SPECC1L: variants seen among roughly 807,000 people sequenced by gnomAD.
SPECC1L encodes sperm antigen with calponin homology and coiled-coil domains 1 like.
A neutral mutation model predicts 116.8 loss-of-function variants in SPECC1L; 40 were observed. The ratio of observed to expected loss-of-function variants is 0.34; its 90% CI spans 0.27 to 0.45. The LOEUF is 0.45. Among genes scored for constraint, SPECC1L ranks in the 20% least tolerant of loss-of-function variants. The pLI, the probability that SPECC1L is intolerant of heterozygous loss-of-function variation, is 1.00. For missense variants in SPECC1L, 1,110 were observed against 1,373.6 expected (o/e 0.81, Z 3.03); for synonymous variants, 504 against 500.6 (o/e 1.01, Z -0.09).
intron 3 of SPECC1L, among the ~76,000 whole-genome samples, chr22:24,305,385 A>T (rs2049472091): frequency 6.6e-6 from 1 of 152,174 alleles, no homozygotes; most frequent in South Asian, 2.1e-4. Flanking sequence ...CTAGCACCAG[A>T]GATGATTTTT....
At chr22:24,413,867 A>C (rs1388461582) in intron 16 of SPECC1L, among the ~76,000 whole-genome samples, 1 of 152,038 alleles carries the variant, frequency 6.6e-6, no homozygotes, top group East Asian at 1.9e-4. Context: ...ATGGGAAGGG[A>C]AGGATCTCTC....
intron 2 of SPECC1L, among the ~76,000 whole-genome samples, chr22:24,278,749 A>G (rs2048885272): frequency 6.6e-6 from 1 of 152,252 alleles, no homozygotes; most frequent in African/African-American, 2.4e-5. Context: ...AGTACTAAAG[A>G]TGAAATTACT....
chr22:24,322,454 G>C lies in SPECC1L; in HGVS notation c.1474G>C (p.Glu492Gln). ...DVKSGRYMEL[E>Q]QRYMDLAENA... ...AAAAAGTGGGCGCTATATGGAATTA[G>C]AGCAACGTTACATGGACCTCGCTGA... Residue 492 changes from glutamate to glutamine, a missense_variant, in exon 5 of 17, where the codon GAG (glutamate) becomes CAG (glutamine). Around this residue, in one of 4 missense-constraint regions of SPECC1L, gnomAD observed 575 missense variants for 682.4 expected, o/e 0.84. Coordinates refer to ENST00000314328, the MANE Select transcript of SPECC1L (RefSeq NM_015330.6). The C allele has an allele frequency of 6.2e-7, 1 of 1,614,180 alleles. No homozygotes were observed. Among genetic ancestry groups the C allele is most frequent in the Non-Finnish European group, 8.5e-7 (1 of 1,180,050 alleles).
At chr22:24,361,516 G>A (rs1032546761) in intron 11 of SPECC1L, among the ~76,000 whole-genome samples, 1 of 152,218 alleles carries the variant, frequency 6.6e-6, no homozygotes, top group African/African-American at 2.4e-5. Flanking sequence ...GCCTGGTGTG[G>A]TGGCAGGCAC....
In SPECC1L at chr22:24,379,788, C is replaced by T. The variant is rs189397737; in HGVS notation, c.3087+10468C>T. 9.8e-5 allele frequency among the ~76,000 whole-genome samples: 15 copies of T among 152,308 alleles called. No homozygotes were observed. The East Asian group carries it at 2.5e-3, about 25-fold the overall frequency. ...AGACAGATATCTATCTGTTCCTTCC[C>T]TTTAGAAGCAAAGAGGATACTGGTT... On this transcript the variant is annotated intron_variant, in intron 14 of 16. Transcript: ENST00000314328.
chr22:24,287,524 C>T (rs1326420653), intron 2 of SPECC1L, among the ~76,000 whole-genome samples: 1 of 152,198 alleles, frequency 6.6e-6, no homozygotes, highest in African/African-American at 2.4e-5. Context: ...TCAGGAACTT[C>T]TTCCAGTCGC....
intron 14 of SPECC1L, among the ~76,000 whole-genome samples, chr22:24,371,300 T>C (rs1377600476): frequency 6.6e-6 from 1 of 152,134 alleles, no homozygotes; most frequent in Non-Finnish European, 1.5e-5. Flanking sequence ...GTCATAAAAC[T>C]AGTCTCATTA....
At chr22:24,337,452 G>A (rs2041084167) in intron 9 of SPECC1L, among the ~76,000 whole-genome samples, 2 of 152,238 alleles carry the variant, frequency 1.3e-5, no homozygotes, top group East Asian at 1.9e-4. Context: ...GTGACTATTG[G>A]GATACTAGGT....
At position 24,322,601 on chromosome 22, in the gene SPECC1L, A is replaced by C; in HGVS notation, c.1621A>C (p.Ser541Arg). The C allele has an allele frequency of 6.2e-7, 1 of 1,614,230 alleles. No individual in the cohort carries two copies. ...AATGATAGGGGCACTCAAAGAACGC[A>C]GTCACCATATGGAGCGAATTATTGA... ...QEMIGALKER[S>R]HHMERIIESE... Residue 541 changes from serine to arginine, a missense_variant, in exon 5 of 17, where the codon AGT becomes CGT. Around this residue, in one of 4 missense-constraint regions of SPECC1L, gnomAD observed 575 missense variants for 682.4 expected, o/e 0.84. Transcript: ENST00000314328.
chr22:24,339,795 T>TA (rs376758427), intron 10 of SPECC1L, among the ~76,000 whole-genome samples: 4 of 152,164 alleles, frequency 2.6e-5, no homozygotes, highest in South Asian at 2.1e-4. Flanking sequence ...CTTTTTTTTT[T>TA]ACCCCGAAAC....
At chr22:24,343,539 C>A (rs1025769968) in intron 10 of SPECC1L, 1 of 437,688 alleles carries the variant, frequency 2.3e-6, no homozygotes, top group Non-Finnish European at 4.6e-6. Context: ...TGGCTCACTG[C>A]AACCTCTGCC....
At chr22:24,307,145 T>C (rs1278312377) in intron 3 of SPECC1L, among the ~76,000 whole-genome samples, 1 of 152,184 alleles carries the variant, frequency 6.6e-6, no homozygotes, top group Non-Finnish European at 1.5e-5. Flanking sequence ...GGCCCTGCTT[T>C]CAATTTTGGG....
chr22:24,306,989 G>C (rs952814014), intron 3 of SPECC1L, among the ~76,000 whole-genome samples: 1 of 152,098 alleles, frequency 6.6e-6, no homozygotes, highest in African/African-American at 2.4e-5. Context: ...AATTCCTTCC[G>C]TTTTTAAGGC....
At chr22:24,380,596 C>G (rs1400914079) in intron 14 of SPECC1L, among the ~76,000 whole-genome samples, 1 of 152,206 alleles carries the variant, frequency 6.6e-6, no homozygotes, top group African/African-American at 2.4e-5. Context: ...GCATCCATTA[C>G]AAAACAAGCC....
chr22:24,400,673 C>T (rs938185891), intron 14 of SPECC1L, among the ~76,000 whole-genome samples: 5 of 152,200 alleles, frequency 3.3e-5, no homozygotes, highest in African/African-American at 1.2e-4. Flanking sequence ...CATCATTTGC[C>T]GTTCCCACCA....
At chr22:24,369,664 A>G (rs1055305942) in intron 14 of SPECC1L, among the ~76,000 whole-genome samples, 1 of 152,198 alleles carries the variant, frequency 6.6e-6, no homozygotes, top group African/African-American at 2.4e-5. Context: ...AGAAGAAATG[A>G]TGAGTCCTAT....
intron 8 of SPECC1L, among the ~76,000 whole-genome samples, chr22:24,332,954 C>T (rs552674564): frequency 2.6e-5 from 4 of 152,208 alleles, no homozygotes; most frequent in South Asian, 2.1e-4. Flanking sequence ...ATCAGCCGGG[C>T]GCAGTGGCTC....
intron 14 of SPECC1L, among the ~76,000 whole-genome samples, chr22:24,404,025 A>G (rs144473072): frequency 4.3e-3 from 662 of 152,280 alleles, no homozygotes; most frequent in Non-Finnish European, 7.7e-3. Context: ...GCTTCATGGC[A>G]ACTCATATGT....
chr22:24,395,465 A>G (rs2042348988), intron 14 of SPECC1L, among the ~76,000 whole-genome samples: 1 of 152,172 alleles, frequency 6.6e-6, no homozygotes. Flanking sequence ...CTGAGGGGAA[A>G]GGAAGAGGAC....
Sources: gnomAD v4.1 joint callset for allele counts (sites outside exome capture counted in the v4.1 genomes callset) on GRCh38, gnomAD v4.1.1 for gene constraint, gnomAD v4.1.1 regional missense constraint, MANE v1.5 for transcripts, NCBI Gene and HGNC (gene_info 2026-07-23, HGNC 2026-07-21) for gene names.